Variants in NF1 observed in about 807,000 individuals in gnomAD.
NF1 encodes the protein neurofibromin 1, also known as neurofibromin.
NF1 carries 122 observed loss-of-function variants against 325.7 expected under a neutral mutation model. The ratio of observed to expected loss-of-function variants is 0.37; its 90% CI spans 0.32 to 0.44. The LOEUF (loss-of-function observed/expected upper bound fraction) is 0.44. NF1 is among the 20% of genes least tolerant of loss of function. The pLI is 1.00. For missense variants in NF1, 2,140 were observed against 3,415.4 expected, an observed-to-expected ratio of 0.63 and a Z score of 9.31; for synonymous variants, 1,091 against 1,186.0, an observed-to-expected ratio of 0.92 and a Z score of 1.65.
chr17:31,129,815 C>T (rs1342856786), intron 1 of NF1, among the ~76,000 whole-genome samples: 1 of 152,108 alleles, frequency 6.6e-6, no homozygotes. Context: ...AGCTCTGTAT[C>T]GTTTTATTGT....
chr17:31,263,773 TA>T (rs1212272697), intron 35 of NF1, among the ~76,000 whole-genome samples: 2 of 150,686 alleles, frequency 1.3e-5, no homozygotes, highest in Non-Finnish European at 3.0e-5. Context: ...TTCTTTTTTT[TA>T]AAAAAAATGA....
intron 36 of NF1, among the ~76,000 whole-genome samples, chr17:31,303,597 T>C (rs1012150455): frequency 6.6e-6 from 1 of 152,160 alleles, no homozygotes; most frequent in African/African-American, 2.4e-5. Context: ...AAGAAGAAAC[T>C]TGTAAAGATG....
intron 8 of NF1, chr17:31,182,974 A>C (rs549905414): frequency 1.7e-6 from 1 of 578,714 alleles, no homozygotes; most frequent in East Asian, 2.8e-5. Context: ...TATTCACTAC[A>C]AGGATTGCCC....
At chr17:31,199,492 G>T (rs539667116) in intron 8 of NF1, among the ~76,000 whole-genome samples, 1 of 152,078 alleles carries the variant, frequency 6.6e-6, no homozygotes, top group Non-Finnish European at 1.5e-5. Flanking sequence ...CCTAACATAG[G>T]TCTGTTTTGG....
At chr17:31,121,724 A>G (rs1198185811) in intron 1 of NF1, among the ~76,000 whole-genome samples, 1 of 152,126 alleles carries the variant, frequency 6.6e-6, no homozygotes, top group East Asian at 1.9e-4. Context: ...GATGGATTAC[A>G]TTTATTGATT....
intron 36 of NF1, among the ~76,000 whole-genome samples, chr17:31,283,450 G>T (rs545928706): frequency 7.5e-5 from 11 of 147,358 alleles, no homozygotes; most frequent in Middle Eastern, 3.5e-3. Context: ...CTAATTACCA[G>T]TTTTTTTGTT....
Position 31,334,764 on chromosome 17 carries a change from G to A in NF1, c.5813-74G>A, listed in dbSNP as rs549311876. 181 of 1,251,476 alleles carry A rather than the reference G, an allele frequency of 1.4e-4. 1 individual carries two copies. Among genetic ancestry groups the A allele is most frequent in the Admixed American group, 3.5e-4 (20 of 57,930 alleles). 77.5% of individuals were successfully genotyped at this position (1,251,476 alleles called of 1,614,324 possible). On this transcript the variant is annotated intron_variant, in intron 39 of 57. Transcript: ENST00000358273. ...CTTTACCTTTTACCATTTTTTCCCC[G>A]AATTCTTTATGTTAAATAATTGTTG... is the stretch of plus-strand genomic sequence containing the variant.
chr17:31,182,845 TG>T, intron 8 of NF1, 180 bp downstream of exon 8: 1 of 636,144 alleles, frequency 1.6e-6, no homozygotes, highest in Non-Finnish European at 2.7e-6. Context: ...TAATTTTATT[TG>T]GCAGAGGGAA....
intron 36 of NF1, chr17:31,304,996 G>T (rs562296652): frequency 6.2e-7 from 1 of 1,614,110 alleles, no homozygotes; most frequent in African/African-American, 1.3e-5. Flanking sequence ...AATTAGTATG[G>T]CAGCTATTGA....
At chr17:31,354,886 A>G (rs1461385773) in intron 51 of NF1, among the ~76,000 whole-genome samples, 2 of 152,206 alleles carry the variant, frequency 1.3e-5, no homozygotes, top group African/African-American at 4.8e-5. Context: ...TTAGTGACCA[A>G]TTGTTGCAGG....
intron 57 of NF1, chr17:31,367,353 CTT>C: frequency 2.1e-6 from 2 of 974,966 alleles, no homozygotes; most frequent in African/African-American, 1.7e-5. Flanking sequence ...TAGCATGAGA[CTT>C]TACTCACCGG....
intron 1 of NF1, among the ~76,000 whole-genome samples, chr17:31,124,838 T>C (rs571066019): frequency 1.3e-5 from 2 of 151,494 alleles, no homozygotes; most frequent in South Asian, 4.2e-4. Context: ...CCTGGCCTCA[T>C]GATCTGTCCG....
chr17:31,348,930 A>G (rs1165307852), intron 48 of NF1, among the ~76,000 whole-genome samples, 190 bp from the exon 49 acceptor site: 3 of 152,098 alleles, frequency 2.0e-5, no homozygotes, highest in African/African-American at 4.8e-5. Flanking sequence ...TTGGTACTTA[A>G]TCTTATACAT....
chr17:31,179,747 C>T (rs992318765), intron 5 of NF1, among the ~76,000 whole-genome samples: 1 of 151,224 alleles, frequency 6.6e-6, no homozygotes, highest in African/African-American at 2.4e-5. Context: ...CGTGCAACTG[C>T]ACTCCAACCT....
intron 29 of NF1, among the ~76,000 whole-genome samples, chr17:31,242,618 G>C (rs2067319856): frequency 1.3e-5 from 2 of 152,068 alleles, no homozygotes; most frequent in African/African-American, 2.4e-5. Flanking sequence ...TTCGTCTCCA[G>C]AATTTCTCTC....
rs754443238 is a variant in NF1, at chr17:31,357,348, T to G, written c.7949T>G (p.Phe2650Cys). The change falls in exon 54 of 58, where the codon TTT becomes TGT. Residue 2650 changes from phenylalanine (F) to cysteine (C), a missense_variant. By Grantham distance (205) the Phe-to-Cys change is radical (BLOSUM62 -2). Around this residue, in one of 10 missense-constraint regions of NF1, gnomAD observed 522 missense variants for 749.0 expected, o/e 0.70. Coordinates refer to ENST00000358273, the MANE Select transcript of NF1 (RefSeq NM_001042492.3). ...TACTTAGCAGAGGCCAGTGTTGTGT[T>G]TCCCAAAGTCTTTCCTGTTGTGTAA... ...YEYLAEASVVFPKVFPVVHNL... is the reference protein window; with the variant it reads ...YEYLAEASVVCPKVFPVVHNL... 1 of 1,613,820 alleles carries G rather than the reference T, an allele frequency of 6.2e-7. No homozygotes were observed. Among genetic ancestry groups the G allele is most frequent in the Non-Finnish European group, 8.5e-7 (1 of 1,179,712 alleles).
At position 31,229,873 on chromosome 17, in the gene NF1, A is replaced by G. The variant is rs1567849526; in HGVS notation, c.2889A>G (p.Gln963=). The G allele has an allele frequency of 6.2e-7, 1 of 1,611,868 alleles. No homozygotes were observed. Among genetic ancestry groups the G allele is most frequent in the Non-Finnish European group, 8.5e-7 (1 of 1,179,722 alleles). ...LTDTNTQFVE[Q]TIAIMKNLLD... ...ATACCAATACTCAATTTGTAGAACAAACCATAGCTATAATGAAGAACTTGC... is the reference window on the plus strand; with the variant it reads ...ATACCAATACTCAATTTGTAGAACAGACCATAGCTATAATGAAGAACTTGC... Residue 963 remains glutamine (Q), a synonymous_variant, in exon 22 of 58, where the codon CAA becomes CAG. Coordinates refer to ENST00000358273, the MANE Select transcript of NF1 (RefSeq NM_001042492.3).
At chr17:31,149,079 G>A (rs1473087760) in intron 1 of NF1, among the ~76,000 whole-genome samples, 1 of 151,186 alleles carries the variant, frequency 6.6e-6, no homozygotes, top group Non-Finnish European at 1.5e-5. Context: ...TAGATGAATG[G>A]AACATACTGT....
chr17:31,213,255 G>A (rs1383219925), intron 12 of NF1, among the ~76,000 whole-genome samples: 1 of 152,112 alleles, frequency 6.6e-6, no homozygotes, highest in Non-Finnish European at 1.5e-5. Context: ...GGGTCAGGGG[G>A]CAGTTATAAA....
Sources: allele counts gnomAD v4.1 joint callset (sites outside exome capture counted in the v4.1 genomes callset), GRCh38; gene constraint gnomAD v4.1.1; regional missense constraint gnomAD v4.1.1; transcripts MANE v1.5; gene names NCBI Gene and HGNC (gene_info 2026-07-23, HGNC 2026-07-21).